MAPRE1: variants seen among roughly 807,000 people sequenced by gnomAD.
The protein encoded by MAPRE1 is microtubule-associated protein RP/EB family member 1.
In MAPRE1, 5 loss-of-function variants were observed where a neutral mutation model predicts 32.1. The observed-to-expected ratio is 0.16, with a 90% CI of 0.08 to 0.33. The LOEUF (loss-of-function observed/expected upper bound fraction) is 0.33, where lower values mean the gene tolerates loss of function less well. Among genes scored for constraint, MAPRE1 ranks in the 10% least tolerant of loss-of-function variants. The pLI is 1.00. For missense variants in MAPRE1, 209 were observed against 327.2 expected (o/e 0.64, Z 2.79); for synonymous variants, 122 against 118.9 (o/e 1.03, Z -0.17).
At chr20:32,840,899 T>C (rs368870301) in intron 5 of MAPRE1, among the ~76,000 whole-genome samples, 2 of 152,202 alleles carry the variant, frequency 1.3e-5, no homozygotes, top group African/African-American at 4.8e-5. Context: ...CACTGCAACC[T>C]CCGCCTCCCA....
intron 2 of MAPRE1, among the ~76,000 whole-genome samples, chr20:32,828,999 C>T (rs952664696): frequency 6.6e-6 from 1 of 151,932 alleles, no homozygotes; most frequent in African/African-American, 2.4e-5. Context: ...CGGCTCACTG[C>T]AACCTCCGCC....
chr20:32,846,508 T>C, intron 5 of MAPRE1, 110 bp from the exon 6 acceptor site: 1 of 981,178 alleles, frequency 1.0e-6, no homozygotes, highest in Non-Finnish European at 1.6e-6. Flanking sequence ...GGTTTTTGTC[T>C]GTGTTGGGGT....
rs189352696 is a variant in MAPRE1, at chr20:32,824,621, C to G, written c.-3-1304C>G. On this transcript the variant is annotated intron_variant, in intron 1 of 6. Coordinates refer to ENST00000375571, the MANE Select transcript of MAPRE1 (RefSeq NM_012325.3). ...CACCTGTAAGGTCATTTGATACTGC[C>G]TTTTTAATATCTAGGTATTGAAAAG... is the stretch of plus-strand genomic sequence containing the variant. Among the ~76,000 whole-genome samples the G allele has an allele frequency of 5.9e-5, 9 of 151,912 alleles. No homozygotes were observed. The East Asian group carries it at 1.2e-3, about 20-fold the overall frequency.
At chr20:32,838,370 C>T (rs1368126731) in intron 4 of MAPRE1, among the ~76,000 whole-genome samples, 1 of 152,162 alleles carries the variant, frequency 6.6e-6, no homozygotes, top group African/African-American at 2.4e-5. Context: ...GCCTATACCT[C>T]ATTTGATTCA....
chr20:32,849,498 A>C lies in MAPRE1; in HGVS notation c.*770A>C, dbSNP rs539289354. 1 of 152,280 alleles carries C rather than the reference A, an allele frequency of 6.6e-6. No individual in the cohort carries two copies. Among genetic ancestry groups the C allele is most frequent in the Non-Finnish European group, 1.5e-5 (1 of 68,026 alleles). The allele number at this position is 152,280 out of a possible 1,614,324, so 9.4% of individuals were successfully genotyped here. Reference sequence around the variant, plus strand: ...GTTATCCCCGAAATTTCTATGTATTATATTTTTTGGGGAAGTGAGGTGTGC... The same window carrying C: ...GTTATCCCCGAAATTTCTATGTATTCTATTTTTTGGGGAAGTGAGGTGTGC... On this transcript the variant is annotated 3_prime_UTR_variant, in exon 7 of 7. Transcript: ENST00000375571.
intron 2 of MAPRE1, among the ~76,000 whole-genome samples, chr20:32,827,379 G>A (rs926303378): frequency 3.3e-5 from 5 of 152,094 alleles, no homozygotes; most frequent in Admixed American, 3.3e-4. Flanking sequence ...CTGCACTCCA[G>A]CCTGGGTGAT....
intron 2 of MAPRE1, among the ~76,000 whole-genome samples, chr20:32,832,994 A>G (rs141983496): frequency 3.9e-5 from 6 of 152,056 alleles, no homozygotes; most frequent in African/African-American, 7.2e-5. Flanking sequence ...AATGTCTTCT[A>G]TTCAACTTTG....
Position 32,836,301 on chromosome 20 carries a change from C to T in MAPRE1, c.268-333C>T, listed in dbSNP as rs533213051. On this transcript the variant is annotated intron_variant, in intron 3 of 6. Transcript: ENST00000375571. ...CATTGTGGCCATGCAAGTTATATAG[C>T]GGACCTACTCTTTATAGCATAATGC... Among the ~76,000 whole-genome samples the T allele has an allele frequency of 3.3e-5, 5 of 152,344 alleles. No homozygotes were observed. In the South Asian group the frequency reaches 6.2e-4, roughly 19 times the overall value.
At chr20:32,820,904 A>G (rs1601156611) in intron 1 of MAPRE1, among the ~76,000 whole-genome samples, 1 of 152,180 alleles carries the variant, frequency 6.6e-6, no homozygotes, top group Non-Finnish European at 1.5e-5. Flanking sequence ...TAACAGTAGT[A>G]ATGATAATAG....
chr20:32,844,614 A>C (rs1412786215), intron 5 of MAPRE1, among the ~76,000 whole-genome samples: 1 of 151,930 alleles, frequency 6.6e-6, no homozygotes, highest in African/African-American at 2.4e-5. Context: ...GGGATTCACC[A>C]TGTTGGCCAG....
chr20:32,846,635 T>G lies in MAPRE1; in HGVS notation c.615T>G (p.Leu205=). The G allele has an allele frequency of 1.2e-6, 2 of 1,614,094 alleles. No homozygotes were observed. The highest frequency in any genetic ancestry group is 1.7e-6 in the Non-Finnish European group (2 of 1,179,954). ...TTGTGCAGGTCAACGTATTGAAACT[T>G]ACTGTTGAAGACTTGGAGAAAGAGA... ...ELMQQVNVLK[L]TVEDLEKERD... Residue 205 remains leucine (L), a synonymous_variant, in exon 6 of 7, where the codon CTT becomes CTG. Coordinates refer to ENST00000375571, the MANE Select transcript of MAPRE1 (RefSeq NM_012325.3).
intron 2 of MAPRE1, among the ~76,000 whole-genome samples, chr20:32,832,463 T>C (rs1983058023): frequency 6.9e-6 from 1 of 144,446 alleles, no homozygotes; most frequent in African/African-American, 2.5e-5. Context: ...ATTACAGTAG[T>C]CTCTTTTTTT....
intron 2 of MAPRE1, among the ~76,000 whole-genome samples, chr20:32,831,979 C>T (rs1052058538): frequency 1.3e-5 from 2 of 150,764 alleles, no homozygotes; most frequent in East Asian, 1.9e-4. Context: ...AGAATGCCCT[C>T]AGTGTACTTT....
intron 5 of MAPRE1, among the ~76,000 whole-genome samples, 177 bp downstream of exon 5, chr20:32,840,033 A>G (rs1983317311): frequency 6.6e-6 from 1 of 152,242 alleles, no homozygotes; most frequent in African/African-American, 2.4e-5. Context: ...TGTAAGAGAG[A>G]GATCAGGTGT....
chr20:32,823,640 G>T (rs1982763206), intron 1 of MAPRE1, among the ~76,000 whole-genome samples: 1 of 152,234 alleles, frequency 6.6e-6, no homozygotes, highest in Non-Finnish European at 1.5e-5. Flanking sequence ...TGGGTGTGGT[G>T]GCTCATGCCT....
intron 5 of MAPRE1, among the ~76,000 whole-genome samples, chr20:32,843,821 T>C (rs1474812230): frequency 6.6e-6 from 1 of 151,978 alleles, no homozygotes; most frequent in Admixed American, 6.6e-5. Context: ...GATAAGGTTC[T>C]AAGAGTGACC....
chr20:32,826,746 A>G (rs1982864140), intron 2 of MAPRE1, among the ~76,000 whole-genome samples: 1 of 149,096 alleles, frequency 6.7e-6, no homozygotes, highest in Non-Finnish European at 1.5e-5. Context: ...CGAACTCGTG[A>G]CCTCAAATGA....
At chr20:32,831,667 G>A (rs1362968104) in intron 2 of MAPRE1, among the ~76,000 whole-genome samples, 1 of 151,284 alleles carries the variant, frequency 6.6e-6, no homozygotes, top group Admixed American at 6.6e-5. Context: ...CAAGCAGCTG[G>A]GACTACAGGC....
In MAPRE1 at chr20:32,847,827, G is replaced by A. The variant is rs558488637; in HGVS notation, c.751-845G>A. On this transcript the variant is annotated intron_variant, in intron 6 of 6. Coordinates refer to ENST00000375571, the MANE Select transcript of MAPRE1 (RefSeq NM_012325.3). ...CAGAATGCCCTGTAGTGAGAATGAG[G>A]TGTGTGGGAGTCATGAATCTGCTTT... 4.6e-5 allele frequency among the ~76,000 whole-genome samples: 7 copies of A among 152,292 alleles called. No individual in the cohort carries two copies. The East Asian group carries it at 1.2e-3, about 25-fold the overall frequency.
Sources: allele counts gnomAD v4.1 joint callset (sites outside exome capture counted in the v4.1 genomes callset), GRCh38; gene constraint gnomAD v4.1.1; transcripts MANE v1.5; gene names NCBI Gene and HGNC (gene_info 2026-07-23, HGNC 2026-07-21).